Variants in TRPC1 observed in about 807,000 individuals in gnomAD.
TRPC1 encodes short transient receptor potential channel 1.
A neutral mutation model predicts 88.2 loss-of-function variants in TRPC1; 42 were observed. The observed-to-expected ratio is 0.48, with a 90% CI of 0.37 to 0.62. The LOEUF (loss-of-function observed/expected upper bound fraction) is 0.62, where lower values mean the gene tolerates loss of function less well. Among genes scored for constraint, TRPC1 ranks in the 20% least tolerant of loss-of-function variants. The pLI is 0.00. For synonymous variants in TRPC1, 288 were observed against 331.8 expected, an observed-to-expected ratio of 0.87 and a Z score of 1.43; for missense variants, 699 against 957.3, an observed-to-expected ratio of 0.73 and a Z score of 3.56.
chr3:142,740,800 C>CGA (rs1341025128), intron 2 of TRPC1, among the ~76,000 whole-genome samples: 3 of 151,980 alleles, frequency 2.0e-5, no homozygotes, highest in Admixed American at 6.6e-5. Context: ...AAGAAGAAAA[C>CGA]GAGTGGTAAG....
At chr3:142,735,426 C>T (rs1163110149) in intron 1 of TRPC1, among the ~76,000 whole-genome samples, 4 of 152,116 alleles carry the variant, frequency 2.6e-5, no homozygotes, top group Non-Finnish European at 5.9e-5. Context: ...TTGCACATCA[C>T]GTAAAATGAC....
chr3:142,757,871 G>C (rs1360259416), intron 4 of TRPC1, among the ~76,000 whole-genome samples: 1 of 151,966 alleles, frequency 6.6e-6, no homozygotes, highest in Admixed American at 6.6e-5. Context: ...TGGGTACATG[G>C]GATATTTTGA....
At chr3:142,770,907 A>C (rs920120357) in intron 4 of TRPC1, among the ~76,000 whole-genome samples, 1 of 152,232 alleles carries the variant, frequency 6.6e-6, no homozygotes, top group African/African-American at 2.4e-5. Flanking sequence ...AGGTTGTACA[A>C]GAAACATAGT....
At chr3:142,779,402 G>T (rs547760980) in intron 5 of TRPC1, among the ~76,000 whole-genome samples, 2 of 152,116 alleles carry the variant, frequency 1.3e-5, no homozygotes, top group Non-Finnish European at 2.9e-5. Context: ...AGATTAATAA[G>T]ATGTATAAAT....
At chr3:142,744,850 A>G (rs928053829) in intron 3 of TRPC1, among the ~76,000 whole-genome samples, 5 of 152,204 alleles carry the variant, frequency 3.3e-5, no homozygotes, top group African/African-American at 1.2e-4. Flanking sequence ...ACATGATAAC[A>G]TTCATTATTG....
At chr3:142,739,202 G>A (rs1934254047) in intron 2 of TRPC1, among the ~76,000 whole-genome samples, 1 of 152,120 alleles carries the variant, frequency 6.6e-6, no homozygotes, top group African/African-American at 2.4e-5. Flanking sequence ...TCGAACTCCT[G>A]ACCTCAGGTG....
At chr3:142,770,383 C>T (rs907246044) in intron 4 of TRPC1, among the ~76,000 whole-genome samples, 2 of 152,166 alleles carry the variant, frequency 1.3e-5, no homozygotes, top group South Asian at 2.1e-4. Context: ...AGGCGTGAGC[C>T]GCTGTGCCCA....
At chr3:142,738,796 G>T (rs994119913) in intron 2 of TRPC1, among the ~76,000 whole-genome samples, 1 of 152,044 alleles carries the variant, frequency 6.6e-6, no homozygotes, top group Non-Finnish European at 1.5e-5. Context: ...TATCAAGAAA[G>T]ATTTCATTGG....
At chr3:142,729,990 T>C (rs1384323507) in intron 1 of TRPC1, among the ~76,000 whole-genome samples, 2 of 152,178 alleles carry the variant, frequency 1.3e-5, no homozygotes, top group South Asian at 2.1e-4. Context: ...TTTAAACATA[T>C]GTTTTTCTAG....
At chr3:142,734,124 TAA>T in intron 1 of TRPC1, among the ~76,000 whole-genome samples, 1 of 152,270 alleles carries the variant, frequency 6.6e-6, no homozygotes, top group East Asian at 1.9e-4. Flanking sequence ...GGGCTCTGAA[TAA>T]GGCTAAAAAT....
intron 7 of TRPC1, 51 bp from the exon 8 acceptor site, chr3:142,790,964 AGTTT>A (rs1470352833): frequency 7.3e-7 from 1 of 1,373,566 alleles, no homozygotes; most frequent in East Asian, 2.7e-5. Context: ...AGTATTATTT[AGTTT>A]ATTTATTGAA....
At position 142,796,252 on chromosome 3, in the gene TRPC1, G is replaced by A. The variant is rs1050896872; in HGVS notation, c.1581+3285G>A. Among the ~76,000 whole-genome samples, 9 of 152,048 alleles carry A rather than the reference G, an allele frequency of 5.9e-5. No individual in the cohort carries two copies. In the South Asian group the frequency reaches 8.3e-4, roughly 14 times the overall value. On this transcript the variant is annotated intron_variant, in intron 9 of 12. Transcript: ENST00000476941. ...GTGATCTTAATCACTATACTAAATC[G>A]CCCCCCAGGTTGTATAATACTACAG...
intron 4 of TRPC1, among the ~76,000 whole-genome samples, chr3:142,775,192 T>TA (rs1935724519): frequency 6.6e-6 from 1 of 152,166 alleles, no homozygotes; most frequent in African/African-American, 2.4e-5. Context: ...AAAAATGCAT[T>TA]ATATGGGATT....
chr3:142,736,636 CCTTT>C (rs2108021487), intron 2 of TRPC1, 103 bp downstream of exon 2: 3 of 1,081,626 alleles, frequency 2.8e-6, no homozygotes, highest in African/African-American at 3.2e-5. Flanking sequence ...TCCTCTTCTT[CCTTT>C]CTTTTTCTTT....
chr3:142,806,380 TATG>T lies in TRPC1; in HGVS notation c.*146_*148del. 4.1e-6 allele frequency: 3 copies of T among 738,852 alleles called. No homozygotes were observed. The highest frequency in any genetic ancestry group is 6.4e-6 in the Non-Finnish European group (3 of 471,440). The allele number at this position is 738,852 out of a possible 1,614,324, so 45.8% of individuals were successfully genotyped here. A position where few individuals can be genotyped will look rare whatever the true frequency, so the allele number is the denominator to read the frequency against. Reference sequence around the variant, plus strand: ...CTTTAAAATATTTATAGCATAAATATATGTTATGTAAAGTGTGTATATAGAATT... The same window carrying T: ...CTTTAAAATATTTATAGCATAAATATTTATGTAAAGTGTGTATATAGAATT... On this transcript the variant is annotated 3_prime_UTR_variant, in exon 13 of 13. Coordinates refer to ENST00000476941, the MANE Select transcript of TRPC1 (RefSeq NM_001251845.2).
At chr3:142,773,382 G>T (rs1935644423) in intron 4 of TRPC1, among the ~76,000 whole-genome samples, 1 of 151,934 alleles carries the variant, frequency 6.6e-6, no homozygotes, top group Admixed American at 6.6e-5. Flanking sequence ...AAGAGAAAAA[G>T]ATTTCAAACT....
At chr3:142,740,141 T>G (rs1934294213) in intron 2 of TRPC1, among the ~76,000 whole-genome samples, 1 of 152,266 alleles carries the variant, frequency 6.6e-6, no homozygotes, top group Admixed American at 6.5e-5. Context: ...ACCTGCTCTA[T>G]GAAACCAGTC....
chr3:142,800,020 C>T (rs942335763), intron 9 of TRPC1, among the ~76,000 whole-genome samples: 1 of 152,068 alleles, frequency 6.6e-6, no homozygotes, highest in Non-Finnish European at 1.5e-5. Flanking sequence ...CCAGACTTTC[C>T]TCAAGGTGAT....
intron 4 of TRPC1, among the ~76,000 whole-genome samples, chr3:142,763,640 C>T (rs1235064517): frequency 6.6e-6 from 1 of 151,912 alleles, no homozygotes; most frequent in East Asian, 1.9e-4. Flanking sequence ...CCACACTATG[C>T]TTCTTAATTG....
Sources: allele counts gnomAD v4.1 joint callset (sites outside exome capture counted in the v4.1 genomes callset), GRCh38; gene constraint gnomAD v4.1.1; transcripts MANE v1.5; gene names NCBI Gene and HGNC (gene_info 2026-07-23, HGNC 2026-07-21).